ARRDC1: variants seen among roughly 807,000 people sequenced by gnomAD.
ARRDC1 encodes arrestin domain containing 1.
A neutral mutation model predicts 40.1 loss-of-function variants in ARRDC1; 37 were observed. The ratio of observed to expected loss-of-function variants is 0.92; its 90% CI spans 0.71 to 1.21. ARRDC1 has a LOEUF of 1.21. Among genes scored for constraint, ARRDC1 ranks in the 50% most tolerant of loss-of-function variants. The pLI, the probability that ARRDC1 is intolerant of heterozygous loss-of-function variation, is 0.00. For synonymous variants in ARRDC1, 310 were observed against 262.5 expected, an observed-to-expected ratio of 1.18 and a Z score of -1.75; for missense variants, 641 against 581.9, an observed-to-expected ratio of 1.10 and a Z score of -1.04.
chr9:137,613,442 T>C lies in ARRDC1; in HGVS notation c.230-18T>C. 6.2e-7 allele frequency: 1 copy of C among 1,608,608 alleles called. No individual in the cohort carries two copies. Among genetic ancestry groups the C allele is most frequent in the South Asian group, 1.1e-5 (1 of 90,654 alleles). ...CCTCAGGGGGGGACTGCCCCCCACC[T>C]CCCTCCTGTCTCTGCAGGGAGCCTG... On this transcript the variant is annotated intron_variant, in intron 2 of 7. Coordinates refer to ENST00000371421, the MANE Select transcript of ARRDC1 (RefSeq NM_152285.4).
intron 4 of ARRDC1, 115 bp downstream of exon 4, chr9:137,613,884 C>T: frequency 6.5e-7 from 1 of 1,530,526 alleles, no homozygotes. Context: ...GTGAGGGGGG[C>T]CAGGGTCTGG....
rs562332893 is a variant in ARRDC1, at chr9:137,605,816, G to T, written c.99G>T (p.Gly33=). Residue 33 remains glycine, a synonymous_variant, in exon 1 of 8, where the codon GGG becomes GGT. Coordinates refer to ENST00000371421, the MANE Select transcript of ARRDC1 (RefSeq NM_152285.4). ...CTGGGACCGTGCGCGTGCGCCTGGG[G>T]GCACCGCTGCCGTTCCGAGGTGGGC... The part of the protein sequence containing the change: ...PLAGTVRVRL[G]APLPFRAIRV... 5.5e-5 allele frequency: 70 copies of T among 1,276,998 alleles called. 1 individual carries two copies. In the African/African-American group the frequency reaches 1.0e-3, roughly 19 times the overall value. 79.1% of individuals were successfully genotyped at this position (1,276,998 alleles called of 1,614,324 possible). A position where few individuals can be genotyped will look rare whatever the true frequency, so the allele number is the denominator to read the frequency against.
At position 137,614,989 on chromosome 9, in the gene ARRDC1, G is replaced by A. The variant is rs369356952; in HGVS notation, c.1226G>A (p.Gly409Asp). ...CTTCCTCCAGAGTACAGTTCTTGGG[G>A]CTACCCCTATGGTGAGTCGACAGCC... is the stretch of plus-strand genomic sequence containing the variant. ...LILPPEYSSW[G>D]YPYEAPPSYE... The change falls in exon 7 of 8, where the codon GGC (glycine) becomes GAC (aspartate). Residue 409 changes from glycine to aspartate, a missense_variant. Gly to Asp is a moderately conservative substitution (Grantham distance 94). Coordinates refer to ENST00000371421, the MANE Select transcript of ARRDC1 (RefSeq NM_152285.4). The A allele has an allele frequency of 7.4e-6, 12 of 1,613,416 alleles. No individual in the cohort carries two copies. In the African/African-American group the frequency reaches 1.6e-4, roughly 22 times the overall value.
In ARRDC1 at chr9:137,605,779, G is replaced by C. The variant is rs1396670416; in HGVS notation, c.62G>C (p.Gly21Ala). 4 of 1,346,302 alleles carry C rather than the reference G, an allele frequency of 3.0e-6. No individual in the cohort carries two copies. Among genetic ancestry groups the C allele is most frequent in the Non-Finnish European group, 3.8e-6 (4 of 1,047,572 alleles). 83.4% of individuals were successfully genotyped at this position (1,346,302 alleles called of 1,614,324 possible). A position where few individuals can be genotyped will look rare whatever the true frequency, so the allele number is the denominator to read the frequency against. Residue 21 changes from glycine (G) to alanine (A), a missense_variant, in exon 1 of 8, where the codon GGG becomes GCG. Transcript: ENST00000371421. ...CACGGCCGCGTCGTCTACAGCCCCGGGGAGCCGTTGGCTGGGACCGTGCGC... is the reference window on the plus strand; with the variant it reads ...CACGGCCGCGTCGTCTACAGCCCCGCGGAGCCGTTGGCTGGGACCGTGCGC... The part of the protein sequence containing the change: ...LSHGRVVYSP[G>A]EPLAGTVRVR...
chr9:137,613,577 G>A, intron 3 of ARRDC1, 38 bp from the exon 4 acceptor site: 1 of 1,614,112 alleles, frequency 6.2e-7, no homozygotes, highest in Non-Finnish European at 8.5e-7. Context: ...TCTGCAGGGT[G>A]GAAGGCAGCC....
Position 137,605,752 on chromosome 9 carries a change from G to C in ARRDC1, c.35G>C (p.Ser12Thr). ...GTGCAGCTCTTCGAGATCAGCCTGA[G>C]CCACGGCCGCGTCGTCTACAGCCCC... ...GRVQLFEISL[S>T]HGRVVYSPGE... is the part of the protein sequence containing the mutation. Residue 12 changes from serine to threonine, a missense_variant, in exon 1 of 8, where the codon AGC (serine) becomes ACC (threonine). Transcript: ENST00000371421. 3 of 1,378,296 alleles carry C rather than the reference G, an allele frequency of 2.2e-6. No homozygotes were observed. The highest frequency in any genetic ancestry group is 1.9e-6 in the Non-Finnish European group (2 of 1,062,376). 85.4% of individuals were successfully genotyped at this position (1,378,296 alleles called of 1,614,324 possible).
At chr9:137,610,661 T>C (rs1279513739) in intron 1 of ARRDC1, among the ~76,000 whole-genome samples, 1 of 152,130 alleles carries the variant, frequency 6.6e-6, no homozygotes, top group Non-Finnish European at 1.5e-5. Context: ...CCTCCCAGGT[T>C]CAAGCGATTC....
At chr9:137,611,014 G>A (rs965716600) in intron 1 of ARRDC1, among the ~76,000 whole-genome samples, 1 of 152,218 alleles carries the variant, frequency 6.6e-6, no homozygotes, top group Non-Finnish European at 1.5e-5. Context: ...AGCATTTGCG[G>A]GATTCAAGGT....
chr9:137,613,546 A>T (rs1330342547), intron 3 of ARRDC1, 36 bp downstream of exon 3: 1 of 1,613,990 alleles, frequency 6.2e-7, no homozygotes, highest in East Asian at 2.2e-5. Flanking sequence ...GGTGATGACC[A>T]ACTGGTCCTG....
rs140006356 is a variant in ARRDC1, at chr9:137,613,684, C to T, written c.350C>T (p.Thr117Met). The T allele has an allele frequency of 2.3e-4, 371 of 1,614,256 alleles. No homozygotes were observed. The Middle Eastern group carries it at 2.6e-3, about 11-fold the overall frequency. Reference sequence around the variant, plus strand: ...CACCAGGTGAGGGCCGCCATCCACACGCCACGGTTTTCCAAGGATCACAAG... The same window carrying T: ...CACCAGGTGAGGGCCGCCATCCACATGCCACGGTTTTCCAAGGATCACAAG... ...IVHQVRAAIH[T>M]PRFSKDHKCS... The change falls in exon 4 of 8, where the codon ACG (threonine) becomes ATG (methionine). Residue 117 changes from threonine (T) to methionine (M), a missense_variant. By Grantham distance (81) the Thr-to-Met change is moderately conservative. Transcript: ENST00000371421.
chr9:137,613,082 C>G, intron 2 of ARRDC1, 76 bp downstream of exon 2: 1 of 1,121,544 alleles, frequency 8.9e-7, no homozygotes, highest in Non-Finnish European at 1.3e-6. Context: ...GTCCTGTCCT[C>G]CCCCTTTCCT....
Position 137,615,123 on chromosome 9 carries a change from G to T in ARRDC1, c.1287G>T (p.Leu429=). The change falls in exon 8 of 8, where the codon CTG becomes CTT. Residue 429 remains leucine, a synonymous_variant. Coordinates refer to ENST00000371421, the MANE Select transcript of ARRDC1 (RefSeq NM_152285.4). The part of the protein sequence containing the change: ...EQSCGGVEPS[L]TPES ...GCTGCGGCGGCGTGGAACCCAGCCTGACCCCTGAGAGCTGACCCCGTGCTG... is the reference window on the plus strand; with the variant it reads ...GCTGCGGCGGCGTGGAACCCAGCCTTACCCCTGAGAGCTGACCCCGTGCTG... 6.5e-7 allele frequency: 1 copy of T among 1,548,554 alleles called. No individual in the cohort carries two copies. Among genetic ancestry groups the T allele is most frequent in the Non-Finnish European group, 8.7e-7 (1 of 1,144,888 alleles).
intron 1 of ARRDC1, among the ~76,000 whole-genome samples, chr9:137,606,362 G>C (rs1842423647): frequency 1.3e-5 from 2 of 152,042 alleles, no homozygotes; most frequent in South Asian, 4.1e-4. Flanking sequence ...CTGGCAGGGC[G>C]CCCTGGAGGT....
chr9:137,613,861 G>C (rs976588575), intron 4 of ARRDC1, 92 bp downstream of exon 4: 1 of 1,558,548 alleles, frequency 6.4e-7, no homozygotes, highest in African/African-American at 1.4e-5. Flanking sequence ...CCAGCGTCCT[G>C]TCCCCAGCTG....
intron 1 of ARRDC1, 140 bp downstream of exon 1, chr9:137,605,975 T>TCGGCGGCGCCGGGGAGGTCCGGG (rs1842415678): frequency 2.4e-6 from 1 of 425,284 alleles, no homozygotes. Flanking sequence ...GGAAGCGGGC[T>TCGGCGGCGCCGGGGAGGTCCGGG]CGGCGGCGCC....
rs1241155597 is a variant in ARRDC1 at position 137,614,169 on chromosome 9, C to A, written c.573C>A (p.Asn191Lys). 1.2e-6 allele frequency: 2 copies of A among 1,611,580 alleles called. No homozygotes were observed. The highest frequency in any genetic ancestry group is 2.2e-5 in the South Asian group (2 of 90,940). Residue 191 changes from asparagine to lysine, a missense_variant, in exon 5 of 8, where the codon AAC becomes AAA. By Grantham distance (94) the Asn-to-Lys change is moderately conservative (BLOSUM62 0). Transcript: ENST00000371421. ...TGCAGCTGCATGCCGACGTTGAGAA[C>A]CAGTCAGGCAAGGACACCAGCCCTG... ...QALQLHADVENQSGKDTSPVV... is the reference protein window; with the variant it reads ...QALQLHADVEKQSGKDTSPVV...
chr9:137,613,144 C>T, intron 2 of ARRDC1, 138 bp downstream of exon 2: 1 of 816,826 alleles, frequency 1.2e-6, no homozygotes. Flanking sequence ...GGGTTGTGGG[C>T]CCTGATGGCT....
In ARRDC1 at chr9:137,614,077, G is replaced by A. The variant is rs1359550502; in HGVS notation, c.481G>A (p.Val161Met). ...CACCAAGAAGTTCTCCTACAAGCTG[G>A]TGAAGACGGGCAGCGTGGTCCTCAC... ...SATKKFSYKLVKTGSVVLTAS... is the reference protein window; with the variant it reads ...SATKKFSYKLMKTGSVVLTAS... The change falls in exon 5 of 8, where the codon GTG becomes ATG. Residue 161 changes from valine (V) to methionine (M), a missense_variant. Coordinates refer to ENST00000371421, the MANE Select transcript of ARRDC1 (RefSeq NM_152285.4). 3.7e-6 allele frequency: 6 copies of A among 1,613,742 alleles called. No homozygotes were observed. The highest frequency in any genetic ancestry group is 1.3e-5 in the African/African-American group (1 of 74,938).
In ARRDC1 at chr9:137,613,647, G is replaced by A; in HGVS notation, c.313G>A (p.Gly105Arg). Residue 105 changes from glycine to arginine, a missense_variant, in exon 4 of 8, where the codon GGG (glycine) becomes AGG (arginine). Physicochemically the swap from Gly to Arg is moderately radical, Grantham distance 125. Coordinates refer to ENST00000371421, the MANE Select transcript of ARRDC1 (RefSeq NM_152285.4). ...ACCCACGTCCTTTGAGGGTCCTTTCGGGAAGATCGTGCACCAGGTGAGGGC... is the reference window on the plus strand; with the variant it reads ...ACCCACGTCCTTTGAGGGTCCTTTCAGGAAGATCGTGCACCAGGTGAGGGC... ...TAPTSFEGPF[G>R]KIVHQVRAAI... is the part of the protein sequence containing the mutation. 4 of 1,614,186 alleles carry A rather than the reference G, an allele frequency of 2.5e-6. No homozygotes were observed. The highest frequency in any genetic ancestry group is 1.1e-5 in the South Asian group (1 of 91,086).
Sources: gnomAD v4.1 joint callset for allele counts (sites outside exome capture counted in the v4.1 genomes callset) on GRCh38, gnomAD v4.1.1 for gene constraint, MANE v1.5 for transcripts, NCBI Gene and HGNC (gene_info 2026-07-23, HGNC 2026-07-21) for gene names.